GDF5: variants seen among roughly 807,000 people sequenced by gnomAD.
The protein encoded by GDF5 is growth differentiation factor 5, also known as growth/differentiation factor 5.
In GDF5, 17 loss-of-function variants were observed where a neutral mutation model predicts 34.6. That is an observed-to-expected ratio of 0.49 (90% CI 0.34 to 0.74). The LOEUF (loss-of-function observed/expected upper bound fraction) is 0.74, where lower values mean the gene tolerates loss of function less well. Among genes scored for constraint, GDF5 ranks in the 30% least tolerant of loss-of-function variants. GDF5 has a pLI of 0.01. For synonymous variants in GDF5, 332 were observed against 290.7 expected, an observed-to-expected ratio of 1.14 and a Z score of -1.44; for missense variants, 616 against 661.2, an observed-to-expected ratio of 0.93 and a Z score of 0.75.
chr20:35,438,596 C>T (rs529928412), upstream of GDF5, among the ~76,000 whole-genome samples: 5 of 152,308 alleles, frequency 3.3e-5, no homozygotes, highest in South Asian at 2.1e-4. Flanking sequence ...AGCCCTGCAG[C>T]GGGACTCTAG....
At chr20:35,443,992 G>T (rs2062506374) in intron 1 of GDF5, among the ~76,000 whole-genome samples, 1 of 152,152 alleles carries the variant, frequency 6.6e-6, no homozygotes, top group Admixed American at 6.5e-5. Context: ...CACAGCAGCT[G>T]AGAGAACAGG....
upstream of GDF5, chr20:35,438,369 C>G (rs1367170219): frequency 1.7e-5 from 3 of 181,636 alleles, no homozygotes; most frequent in East Asian, 4.3e-4. Context: ...CACACACACA[C>G]ACACACACAC....
upstream of GDF5, among the ~76,000 whole-genome samples, chr20:35,439,133 AC>A (rs2146584989): frequency 1.3e-5 from 2 of 149,174 alleles, no homozygotes; most frequent in East Asian, 2.0e-4. Flanking sequence ...CCCCACCACC[AC>A]CCCAGCAGAG....
At position 35,434,605 on chromosome 20, in the gene GDF5, G is replaced by T; in HGVS notation, c.810C>A (p.Ser270Arg). 6.3e-7 allele frequency: 1 copy of T among 1,592,386 alleles called. No homozygotes were observed. The highest frequency in any genetic ancestry group is 8.6e-7 in the Non-Finnish European group (1 of 1,167,494). The change falls in exon 2 of 2, where the codon AGC becomes AGA. Residue 270 changes from serine (S) to arginine (R), a missense_variant. Coordinates refer to ENST00000374369, the MANE Select transcript of GDF5 (RefSeq NM_000557.5). The stretch of plus-strand genomic sequence containing the variant: ...CCAGCAAGGCGGCCGGCTGCCGGCC[G>T]CTGGGGCAGCTGGACAGCTTCAGCT... ...AAQLKLSSCPSGRQPAALLDV... is the reference protein window; with the variant it reads ...AAQLKLSSCPRGRQPAALLDV...
chr20:35,446,692 G>C (rs1381801768), intron 1 of GDF5, among the ~76,000 whole-genome samples: 1 of 152,082 alleles, frequency 6.6e-6, no homozygotes. Flanking sequence ...AGGAAATTAA[G>C]CCTCTGAGTA....
chr20:35,435,815 G>C (rs1002854668), intron 1 of GDF5, among the ~76,000 whole-genome samples: 4 of 152,214 alleles, frequency 2.6e-5, no homozygotes, highest in Admixed American at 6.5e-5. Flanking sequence ...ATATGAAAGA[G>C]TGTATACGTT....
At chr20:35,448,568 C>T (rs1291669862) in intron 1 of GDF5, among the ~76,000 whole-genome samples, 6 of 150,350 alleles carry the variant, frequency 4.0e-5, no homozygotes, top group East Asian at 2.0e-4. Context: ...CTCAGCCTTC[C>T]GAGCAGCTGG....
At chr20:35,448,597 C>T (rs890658963) in intron 1 of GDF5, among the ~76,000 whole-genome samples, 1 of 151,840 alleles carries the variant, frequency 6.6e-6, no homozygotes, top group African/African-American at 2.4e-5. Flanking sequence ...GTGCACGACA[C>T]CAGGCCCGGC....
At chr20:35,448,448 C>CTTTTTT (rs34209210) in intron 1 of GDF5, among the ~76,000 whole-genome samples, 40 of 86,762 alleles carry the variant, frequency 4.6e-4, no homozygotes, top group Non-Finnish European at 5.3e-4. Context: ...GCCCCCCCGA[C>CTTTTTT]TTTTTTTTTT....
At chr20:35,439,313 T>C (rs371919532), upstream of GDF5, among the ~76,000 whole-genome samples, 43 of 150,060 alleles carry the variant, frequency 2.9e-4, no homozygotes, top group African/African-American at 1.0e-3. Flanking sequence ...CTGCAATCTC[T>C]GCCTCCCAGG....
upstream of GDF5, among the ~76,000 whole-genome samples, chr20:35,438,824 CGTGTGTGTGTGT>C (rs57641919): frequency 5.9e-4 from 74 of 126,490 alleles, no homozygotes; most frequent in African/African-American, 1.6e-3. Flanking sequence ...ATTTGTTATG[CGTGTGTGTGTGT>C]GTGTGTGTGT....
upstream of GDF5, among the ~76,000 whole-genome samples, chr20:35,440,019 C>T (rs146008690): frequency 4.2e-4 from 57 of 135,952 alleles, no homozygotes; most frequent in African/African-American, 1.4e-3. Flanking sequence ...TGGGTTCAAA[C>T]GATTCTCCTG....
At chr20:35,453,667 C>T (rs2062546802) in intron 1 of GDF5, among the ~76,000 whole-genome samples, 1 of 152,196 alleles carries the variant, frequency 6.6e-6, no homozygotes, top group African/African-American at 2.4e-5. Flanking sequence ...TCCCCTTTTA[C>T]TCTCCACTTT....
chr20:35,439,261 G>A (rs1450647942), upstream of GDF5, among the ~76,000 whole-genome samples: 6 of 143,594 alleles, frequency 4.2e-5, no homozygotes, highest in Non-Finnish European at 7.5e-5. Flanking sequence ...TTTTTGAGAC[G>A]GAGTCTCGCT....
intron 1 of GDF5, among the ~76,000 whole-genome samples, chr20:35,446,306 G>A (rs182780426): frequency 1.6e-3 from 247 of 152,006 alleles, no homozygotes; most frequent in South Asian, 5.0e-3. Context: ...GCGAAACTCC[G>A]TCTCAAAAAC....
intron 1 of GDF5, among the ~76,000 whole-genome samples, chr20:35,447,825 C>T (rs1399617379): frequency 6.6e-6 from 1 of 152,042 alleles, no homozygotes; most frequent in Non-Finnish European, 1.5e-5. Flanking sequence ...TTTTTAAAAA[C>T]TTTATTAGGC....
chr20:35,446,322 C>CA (rs919016938), intron 1 of GDF5, among the ~76,000 whole-genome samples: 18 of 148,866 alleles, frequency 1.2e-4, no homozygotes, highest in East Asian at 5.9e-4. Context: ...AAAACAACAA[C>CA]AAAAAAAAAC....
intron 1 of GDF5, chr20:35,454,155 T>A (rs2062553757): frequency 1.5e-5 from 6 of 390,608 alleles, no homozygotes; most frequent in Admixed American, 3.4e-5. Context: ...GAAAGTGCAT[T>A]AACAATTTAT....
rs224331 is a variant in GDF5 at position 35,434,589 on chromosome 20, C to T, written c.826G>A (p.Ala276Thr). 3 of 1,584,394 alleles carry T rather than the reference C, an allele frequency of 1.9e-6. No homozygotes were observed. The highest frequency in any genetic ancestry group is 2.3e-5 in the East Asian group (1 of 44,336). Residue 276 changes from alanine to threonine, a missense_variant, in exon 2 of 2, where the codon GCC becomes ACC. Transcript: ENST00000374369. ...SSCPSGRQPAALLDVRSVPGL... is the reference protein window; with the variant it reads ...SSCPSGRQPATLLDVRSVPGL... Reference sequence around the variant, plus strand: ...GGCACGGAGCGCACATCCAGCAAGGCGGCCGGCTGCCGGCCGCTGGGGCAG... The same window carrying T: ...GGCACGGAGCGCACATCCAGCAAGGTGGCCGGCTGCCGGCCGCTGGGGCAG...
Sources: allele counts gnomAD v4.1 joint callset (sites outside exome capture counted in the v4.1 genomes callset), GRCh38; gene constraint gnomAD v4.1.1; transcripts MANE v1.5; gene names NCBI Gene and HGNC (gene_info 2026-07-23, HGNC 2026-07-21).